ICA1L: variants seen among roughly 807,000 people sequenced by gnomAD.
ICA1L encodes islet cell autoantigen 1 like.
Under a neutral mutation model 61.3 loss-of-function variants are expected in ICA1L, and 50 were observed. That is an observed-to-expected ratio of 0.82 (90% CI 0.65 to 1.03). The LOEUF (loss-of-function observed/expected upper bound fraction) is 1.03, where lower values mean the gene tolerates loss of function less well. ICA1L is among the 50% of genes least tolerant of loss of function. The pLI is 0.00. For synonymous variants in ICA1L, 161 were observed against 191.3 expected (o/e 0.84, Z 1.31); for missense variants, 508 against 556.7 (o/e 0.91, Z 0.88).
chr2:202,796,992 T>C (rs201711502), intron 9 of ICA1L, 28 bp from the exon 10 acceptor site: 12 of 1,491,264 alleles, frequency 8.0e-6, no homozygotes, highest in Non-Finnish European at 1.1e-5. Flanking sequence ...AAAAGAGAAG[T>C]TGAACAAGAA....
At chr2:202,836,533 A>T (rs917442784) in intron 1 of ICA1L, among the ~76,000 whole-genome samples, 1 of 152,032 alleles carries the variant, frequency 6.6e-6, no homozygotes, top group Non-Finnish European at 1.5e-5. Context: ...AGTTTGGAAG[A>T]TCTCCTTCCT....
chr2:202,784,601 C>G (rs890882942), intron 12 of ICA1L, among the ~76,000 whole-genome samples: 1 of 152,052 alleles, frequency 6.6e-6, no homozygotes, highest in African/African-American at 2.4e-5. Flanking sequence ...CAACAGATAA[C>G]CAGTTGTGTT....
intron 9 of ICA1L, among the ~76,000 whole-genome samples, chr2:202,808,851 A>G (rs1017298269): frequency 2.0e-5 from 3 of 152,234 alleles, no homozygotes; most frequent in Admixed American, 6.5e-5. Context: ...TACAGCTACA[A>G]TGACCAAAGA....
intron 1 of ICA1L, among the ~76,000 whole-genome samples, chr2:202,830,821 T>A (rs948669736): frequency 6.6e-6 from 1 of 152,156 alleles, no homozygotes; most frequent in African/African-American, 2.4e-5. Context: ...GTAAGGCATG[T>A]AACACACAGT....
chr2:202,858,061 G>T (rs989533160), intron 1 of ICA1L, among the ~76,000 whole-genome samples: 1 of 152,132 alleles, frequency 6.6e-6, no homozygotes, highest in African/African-American at 2.4e-5. Context: ...AGACAGTGTG[G>T]CAATTCCTCA....
At chr2:202,836,816 G>C (rs971973491) in intron 1 of ICA1L, among the ~76,000 whole-genome samples, 1 of 144,158 alleles carries the variant, frequency 6.9e-6, no homozygotes, top group African/African-American at 2.5e-5. Flanking sequence ...GATATATATA[G>C]ATATATAGAT....
chr2:202,833,936 T>C (rs1307084223), intron 1 of ICA1L, among the ~76,000 whole-genome samples: 3 of 152,176 alleles, frequency 2.0e-5, no homozygotes, highest in Non-Finnish European at 2.9e-5. Context: ...ATTGGGAAGA[T>C]GTTTGTCAAA....
At position 202,776,908 on chromosome 2, in the gene ICA1L, CTTG is replaced by C. The variant is rs1475582340; in HGVS notation, c.*2622_*2624del. The C allele has an allele frequency of 1.3e-5, 2 of 152,062 alleles. No homozygotes were observed. The highest frequency in any genetic ancestry group is 4.8e-5 in the African/African-American group (2 of 41,374). The allele number at this position is 152,062 out of a possible 1,614,324, so 9.4% of individuals were successfully genotyped here. On this transcript the variant is annotated 3_prime_UTR_variant, in exon 13 of 13. Transcript: ENST00000358299. ...GGACTTTGGGTTTCTGCTTTGTCTGCTTGTTAAAGTATCTGTATTCGATAACAG... is the reference window on the plus strand; with the variant it reads ...GGACTTTGGGTTTCTGCTTTGTCTGCTTAAAGTATCTGTATTCGATAACAG...
chr2:202,804,572 A>G lies in ICA1L; in HGVS notation c.910+7174T>C, dbSNP rs573800715. ...ACTACAGGACAAAGTTGAAAATCCA[A>G]TTTAACAGTGGAAGATTTTAAAACA... On this transcript the variant is annotated intron_variant, in intron 9 of 12. Coordinates refer to ENST00000358299, the MANE Select transcript of ICA1L (RefSeq NM_001288622.3). Among the ~76,000 whole-genome samples, 7 of 152,330 alleles carry G rather than the reference A, an allele frequency of 4.6e-5. No homozygotes were observed. The South Asian group carries it at 6.2e-4, about 14-fold the overall frequency.
In ICA1L at chr2:202,774,251, T is replaced by C; in HGVS notation, c.*5282A>G. ...CGGCTCCTGAGTCTTCTCGCTCCTGTCGGCCAAAGGCCGTGACCCCGACGC... is the reference window on the plus strand; with the variant it reads ...CGGCTCCTGAGTCTTCTCGCTCCTGCCGGCCAAAGGCCGTGACCCCGACGC... On this transcript the variant is annotated 3_prime_UTR_variant, in exon 13 of 13. Coordinates refer to ENST00000358299, the MANE Select transcript of ICA1L (RefSeq NM_001288622.3). 1 of 1,546,288 alleles carries C rather than the reference T, an allele frequency of 6.5e-7. No individual in the cohort carries two copies.
At chr2:202,785,203 C>T (rs1421969496) in intron 12 of ICA1L, among the ~76,000 whole-genome samples, 1 of 142,946 alleles carries the variant, frequency 7.0e-6, no homozygotes, top group Non-Finnish European at 1.5e-5. Context: ...TGGGTGACAG[C>T]GAGACTCTGT....
intron 1 of ICA1L, among the ~76,000 whole-genome samples, chr2:202,851,809 CTTTT>C (rs1305448173): frequency 1.3e-5 from 2 of 152,194 alleles, no homozygotes; most frequent in African/African-American, 4.8e-5. Flanking sequence ...TAAATGTCTT[CTTTT>C]GAGAAGTGTC....
intron 1 of ICA1L, among the ~76,000 whole-genome samples, chr2:202,840,032 T>A (rs1360957586): frequency 6.6e-6 from 1 of 150,720 alleles, no homozygotes; most frequent in East Asian, 1.9e-4. Context: ...TATCCCTTAA[T>A]AAATTATTGT....
In ICA1L at chr2:202,773,554, A is replaced by C; in HGVS notation, c.*5979T>G. ...CTTCAAAAAACACGGGCAGAACAAG[A>C]GTACAATAAAAGAAGCGTCTGCAAC... On this transcript the variant is annotated 3_prime_UTR_variant, in exon 13 of 13. Coordinates refer to ENST00000358299, the MANE Select transcript of ICA1L (RefSeq NM_001288622.3). The C allele has an allele frequency of 2.3e-6, 1 of 435,846 alleles. No individual in the cohort carries two copies. 27.0% of individuals were successfully genotyped at this position (435,846 alleles called of 1,614,324 possible).
At chr2:202,794,414 A>T (rs1692854243) in intron 10 of ICA1L, among the ~76,000 whole-genome samples, 2 of 151,878 alleles carry the variant, frequency 1.3e-5, no homozygotes, top group Non-Finnish European at 2.9e-5. Flanking sequence ...GTATGGATGG[A>T]TGCTTCCTTA....
At chr2:202,865,211 G>A (rs776089452) in intron 1 of ICA1L, among the ~76,000 whole-genome samples, 5 of 151,620 alleles carry the variant, frequency 3.3e-5, no homozygotes, top group Non-Finnish European at 5.9e-5. Flanking sequence ...GCTCACATCC[G>A]TAATCCCAGC....
rs188081598 is a variant in ICA1L at position 202,840,802 on chromosome 2, C to G, written c.-7-11786G>C. 126 of 607,604 alleles carry G rather than the reference C, an allele frequency of 2.1e-4. No individual in the cohort carries two copies. The African/African-American group carries it at 2.1e-3, about 10-fold the overall frequency. 37.6% of individuals were successfully genotyped at this position (607,604 alleles called of 1,614,324 possible). On this transcript the variant is annotated intron_variant, in intron 1 of 12. Transcript: ENST00000358299. ...CGATGGCAGCCTCCAGGGAAACTCTCTGGCCTTTGAGGCCCTCAATCTCAG... is the reference window on the plus strand; with the variant it reads ...CGATGGCAGCCTCCAGGGAAACTCTGTGGCCTTTGAGGCCCTCAATCTCAG...
chr2:202,840,003 T>G (rs1460487547), intron 1 of ICA1L, among the ~76,000 whole-genome samples: 7 of 151,764 alleles, frequency 4.6e-5, no homozygotes, highest in African/African-American at 1.7e-4. Context: ...TGTCACAATT[T>G]ACATCTTTTT....
In ICA1L at chr2:202,825,704, T is replaced by C; in HGVS notation, c.226A>G (p.Arg76Gly). The change falls in exon 3 of 13, where the codon AGA becomes GGA. Residue 76 changes from arginine to glycine, a missense_variant. By Grantham distance (125) the Arg-to-Gly change is moderately radical (BLOSUM62 -2). Transcript: ENST00000358299. ...AACTATGATTTCATACCATTGAGTC[T>C]TAGCTGGTATTTCTCGATTATCTTC... ...LLKIIEKYQLRLNVISEEENE... is the reference protein window; with the variant it reads ...LLKIIEKYQLGLNVISEEENE... 1 of 1,516,038 alleles carries C rather than the reference T, an allele frequency of 6.6e-7. No homozygotes were observed. The highest frequency in any genetic ancestry group is 9.1e-7 in the Non-Finnish European group (1 of 1,094,368). 93.9% of individuals were successfully genotyped at this position (1,516,038 alleles called of 1,614,324 possible). A position where few individuals can be genotyped will look rare whatever the true frequency, so the allele number is the denominator to read the frequency against.
Sources: allele counts gnomAD v4.1 joint callset (sites outside exome capture counted in the v4.1 genomes callset), GRCh38; gene constraint gnomAD v4.1.1; transcripts MANE v1.5; gene names NCBI Gene and HGNC (gene_info 2026-07-23, HGNC 2026-07-21).